Variants in PLEKHA4 observed in about 807,000 individuals in gnomAD.
PLEKHA4 encodes pleckstrin homology domain containing A4, also known as pleckstrin homology domain-containing family A member 4.
In PLEKHA4, 73 loss-of-function variants were observed where a neutral mutation model predicts 94.7. That is an observed-to-expected ratio of 0.77 (90% CI 0.64 to 0.94). The LOEUF (loss-of-function observed/expected upper bound fraction) is 0.94, where lower values mean the gene tolerates loss of function less well. Ranked by LOEUF, PLEKHA4 falls within the 40% of genes least tolerant of loss-of-function variation. The pLI is 0.00. For synonymous variants in PLEKHA4, 449 were observed against 437.1 expected, an observed-to-expected ratio of 1.03 and a Z score of -0.34; for missense variants, 1,049 against 1,054.1, an observed-to-expected ratio of 1.00 and a Z score of 0.07.
At chr19:48,865,211 G>C (rs1374398201) in intron 3 of PLEKHA4, among the ~76,000 whole-genome samples, 1 of 152,112 alleles carries the variant, frequency 6.6e-6, no homozygotes, top group Non-Finnish European at 1.5e-5. Context: ...AGGCATGATG[G>C]TGCATGCCTG....
chr19:48,851,690 C>T (rs1184568463), intron 13 of PLEKHA4, among the ~76,000 whole-genome samples: 1 of 151,688 alleles, frequency 6.6e-6, no homozygotes, highest in Non-Finnish European at 1.5e-5. Context: ...CGCAGTGGCT[C>T]ATGCTTGCAA....
In PLEKHA4 at chr19:48,848,442, C is replaced by T. The variant is rs1251930843; in HGVS notation, c.1426-402G>A. ...CGGAGCTTGCAGTGAGCCGAGATCC[C>T]GCCACTGCACTCCAGCCTGGGCGAC... On this transcript the variant is annotated intron_variant, in intron 13 of 19. Transcript: ENST00000263265. 7.8e-5 allele frequency among the ~76,000 whole-genome samples: 11 copies of T among 141,312 alleles called. No individual in the cohort carries two copies. The East Asian group carries it at 2.4e-3, about 30-fold the overall frequency. 92.7% of individuals were successfully genotyped at this position (141,312 alleles called of 152,430 possible).
At chr19:48,859,897 ATG>A in intron 6 of PLEKHA4, 1 of 601,782 alleles carries the variant, frequency 1.7e-6, no homozygotes. Context: ...GCTGGACCCA[ATG>A]CCCCGGAATA....
intron 3 of PLEKHA4, among the ~76,000 whole-genome samples, chr19:48,863,551 C>A (rs1277497629): frequency 1.3e-5 from 2 of 151,964 alleles, no homozygotes; most frequent in African/African-American, 4.8e-5. Context: ...CTACCTCAGC[C>A]TCCCAAGTAG....
intron 3 of PLEKHA4, among the ~76,000 whole-genome samples, chr19:48,864,653 T>C (rs2036768019): frequency 6.6e-6 from 1 of 152,156 alleles, no homozygotes; most frequent in Non-Finnish European, 1.5e-5. Flanking sequence ...CTCAGCCTCC[T>C]GGGCTTCAGC....
intron 14 of PLEKHA4, among the ~76,000 whole-genome samples, chr19:48,846,181 C>T (rs966660135): frequency 3.3e-5 from 5 of 151,530 alleles, no homozygotes; most frequent in East Asian, 1.9e-4. Flanking sequence ...AGGCTGGGCG[C>T]GGTGGCTCAT....
chr19:48,867,692 G>A lies in PLEKHA4; in HGVS notation c.-6-66C>T, dbSNP rs1171910029. ...GGGTGTGAGACAGAGATGGGGTCAG[G>A]GGCTTGGAGGTCGGAGGAGGCTGCA... On this transcript the variant is annotated intron_variant, in intron 1 of 19. Transcript: ENST00000263265. The surrounding 1 kb of genome is among the most constrained non-coding windows in gnomAD (Gnocchi z 4.7). 14 of 1,444,694 alleles carry A rather than the reference G, an allele frequency of 9.7e-6. No individual in the cohort carries two copies. Among genetic ancestry groups the A allele is most frequent in the Admixed American group, 4.0e-5 (2 of 49,992 alleles). The allele number at this position is 1,444,694 out of a possible 1,614,324, so 89.5% of individuals were successfully genotyped here.
chr19:48,852,136 C>T (rs1192079080), intron 13 of PLEKHA4, 92 bp downstream of exon 13: 22 of 1,012,476 alleles, frequency 2.2e-5, no homozygotes, highest in Non-Finnish European at 3.3e-5. Context: ...GGCGGGGCCT[C>T]GATTCTGTGG....
intron 7 of PLEKHA4, 26 bp downstream of exon 7, chr19:48,859,443 C>A (rs775024543): frequency 6.2e-7 from 1 of 1,610,690 alleles, no homozygotes; most frequent in Non-Finnish European, 8.5e-7. Context: ...TTAGGCCACG[C>A]CCACAACCAT....
chr19:48,856,276 G>A (rs527452700), intron 9 of PLEKHA4, among the ~76,000 whole-genome samples: 44 of 150,578 alleles, frequency 2.9e-4, no homozygotes, highest in Admixed American at 6.6e-4. Flanking sequence ...AAGGGGAAGG[G>A]GGAAAGAAAG....
chr19:48,855,815 T>TA (rs1039044971), intron 9 of PLEKHA4, among the ~76,000 whole-genome samples: 25 of 147,678 alleles, frequency 1.7e-4, no homozygotes, highest in African/African-American at 3.7e-4. Flanking sequence ...TTTTTTAATT[T>TA]AAAAAAAAAC....
chr19:48,844,464 G>C (rs905871214), intron 16 of PLEKHA4: 41 of 985,002 alleles, frequency 4.2e-5, no homozygotes, highest in Admixed American at 6.2e-5. Context: ...CCCAAGAAGT[G>C]CTTTTAAATC....
intron 3 of PLEKHA4, 127 bp from the exon 4 acceptor site, chr19:48,861,819 A>G: frequency 1.1e-6 from 1 of 875,418 alleles, no homozygotes; most frequent in Non-Finnish European, 1.8e-6. Flanking sequence ...AGAGACATAA[A>G]GTAGGGATCA....
chr19:48,840,022 C>A (rs878930860), intron 17 of PLEKHA4, among the ~76,000 whole-genome samples: 1 of 151,654 alleles, frequency 6.6e-6, no homozygotes, highest in Non-Finnish European at 1.5e-5. Flanking sequence ...GCAGGAGAAT[C>A]GTTTGAACCT....
At position 48,865,546 on chromosome 19, in the gene PLEKHA4, T is replaced by C. The variant is rs1188169609; in HGVS notation, c.149A>G (p.Asp50Gly). 5.6e-6 allele frequency: 9 copies of C among 1,613,910 alleles called. No individual in the cohort carries two copies. Among genetic ancestry groups the C allele is most frequent in the Non-Finnish European group, 7.6e-6 (9 of 1,180,006 alleles). Residue 50 changes from aspartate to glycine, a missense_variant, in exon 3 of 20, where the codon GAT becomes GGT. By Grantham distance (94) the Asp-to-Gly change is moderately conservative. Coordinates refer to ENST00000263265, the MANE Select transcript of PLEKHA4 (RefSeq NM_020904.3). The stretch of plus-strand genomic sequence containing the variant: ...TCGGATGTGCACGGGAAGGTTGGGA[T>C]CCCTCCTGAGCGCATTGCCTCTCTT... Reference protein sequence around the residue: ...FGKRGNALRRDPNLPVHIRGW... With the variant: ...FGKRGNALRRGPNLPVHIRGW...
At chr19:48,846,010 C>CAA (rs1159060833) in intron 14 of PLEKHA4, among the ~76,000 whole-genome samples, 121 of 71,252 alleles carry the variant, frequency 1.7e-3, no homozygotes, top group African/African-American at 4.7e-3. Context: ...GACTCTGCCT[C>CAA]AAAAAAAAAA....
rs1455134947 is a variant in PLEKHA4, at chr19:48,837,556, AGAG to A, written c.2078-8_2078-6del. 3 of 1,613,188 alleles carry A rather than the reference AGAG, an allele frequency of 1.9e-6. No individual in the cohort carries two copies. In the Admixed American group the frequency reaches 5.0e-5, roughly 27 times the overall value. ...CCTGGGAGTCCAAATTTCCACCTGG[AGAG>A]GATGAGTGGGACATGAGAATGGCAA... On this transcript the variant is annotated splice_polypyrimidine_tract_variant and splice_region_variant and intron_variant, in intron 19 of 19. Transcript: ENST00000263265. The surrounding 1 kb of genome is among the most constrained non-coding windows in gnomAD (Gnocchi z 4.3).
At chr19:48,847,726 C>G (rs1443498027) in intron 14 of PLEKHA4, among the ~76,000 whole-genome samples, 174 bp downstream of exon 14, 1 of 151,954 alleles carries the variant, frequency 6.6e-6, no homozygotes, top group Non-Finnish European at 1.5e-5. Context: ...AGTGAGACTA[C>G]GTCTCAAAAA....
chr19:48,860,548 G>A lies in PLEKHA4; in HGVS notation c.367-89C>T, dbSNP rs2036595992. On this transcript the variant is annotated intron_variant, in intron 5 of 19. Transcript: ENST00000263265. Reference sequence around the variant, plus strand: ...CCGGTGACTCATTCCAGTAAACCCAGTGCTTTGGGAGGCCGATGCGGGAGG... The same window carrying A: ...CCGGTGACTCATTCCAGTAAACCCAATGCTTTGGGAGGCCGATGCGGGAGG... The A allele has an allele frequency of 7.9e-6, 8 of 1,014,740 alleles. No individual in the cohort carries two copies. In the South Asian group the frequency reaches 9.4e-5, roughly 12 times the overall value. 62.9% of individuals were successfully genotyped at this position (1,014,740 alleles called of 1,614,324 possible).
Sources: allele counts gnomAD v4.1 joint callset (sites outside exome capture counted in the v4.1 genomes callset), GRCh38; gene constraint gnomAD v4.1.1; non-coding constraint Gnocchi (gnomAD v3.1); transcripts MANE v1.5; gene names NCBI Gene and HGNC (gene_info 2026-07-23, HGNC 2026-07-21).